The following PPP2R2B variants were observed in gnomAD, a reference collection of about 807,000 sequenced individuals.
PPP2R2B encodes the protein protein phosphatase 2 regulatory subunit Bbeta.
Under a neutral mutation model 46.0 loss-of-function variants are expected in PPP2R2B, and 5 were observed. That is an observed-to-expected ratio of 0.11 (90% confidence interval 0.06 to 0.23). The LOEUF is 0.23. PPP2R2B is among the 10% of genes least tolerant of loss of function. The probability of loss-of-function intolerance (pLI) is 1.00; values close to 1 mark genes in which losing one functional copy is unlikely to be tolerated. For missense variants in PPP2R2B, 367 were observed against 575.0 expected (o/e 0.64, Z 3.70); for synonymous variants, 215 against 206.7 (o/e 1.04, Z -0.34).
At chr5:146,921,846 TATTA>T (rs1474195667) in intron 1 of PPP2R2B, among the ~76,000 whole-genome samples, 3 of 152,224 alleles carry the variant, frequency 2.0e-5, no homozygotes, top group African/African-American at 7.2e-5. Context: ...GTACTACTAC[TATTA>T]ATTATTTAGA....
chr5:146,815,290 G>A (rs796322748), intron 2 of PPP2R2B, among the ~76,000 whole-genome samples: 4 of 152,272 alleles, frequency 2.6e-5, no homozygotes, highest in African/African-American at 9.6e-5. Context: ...AGACCTTCTG[G>A]AGTTAATTAC....
At chr5:146,845,101 A>G (rs575959515) in intron 2 of PPP2R2B, among the ~76,000 whole-genome samples, 1 of 152,196 alleles carries the variant, frequency 6.6e-6, no homozygotes, top group African/African-American at 2.4e-5. Context: ...GACAAGCCTC[A>G]GGGCTCTTGG....
chr5:147,020,365 G>A (rs1484147391), intron 1 of PPP2R2B, among the ~76,000 whole-genome samples: 1 of 151,586 alleles, frequency 6.6e-6, no homozygotes, highest in East Asian at 1.9e-4. Context: ...ACTTTCACTG[G>A]GGTAGGAAAC....
chr5:146,594,757 C>T (rs1297021891), intron 8 of PPP2R2B, among the ~76,000 whole-genome samples: 1 of 152,204 alleles, frequency 6.6e-6, no homozygotes, highest in Admixed American at 6.5e-5. Context: ...CTCCAGCTTG[C>T]TCTGGTGGGT....
intron 2 of PPP2R2B, among the ~76,000 whole-genome samples, chr5:146,718,616 A>C (rs551468689): frequency 3.3e-5 from 5 of 152,164 alleles, no homozygotes; most frequent in Admixed American, 6.5e-5. Context: ...ACGAAAACAC[A>C]TGCATTATAA....
intron 7 of PPP2R2B, among the ~76,000 whole-genome samples, chr5:146,625,124 T>A (rs1773960753): frequency 6.6e-6 from 1 of 152,268 alleles, no homozygotes; most frequent in South Asian, 2.1e-4. Flanking sequence ...CTTCATGGAC[T>A]TCTCTTTCTT....
intron 2 of PPP2R2B, among the ~76,000 whole-genome samples, chr5:146,873,955 T>G (rs1420678448): frequency 1.3e-5 from 2 of 152,230 alleles, no homozygotes; most frequent in Admixed American, 6.5e-5. Flanking sequence ...TTGAATCAGT[T>G]AGGCTATTTT....
In PPP2R2B at chr5:146,723,345, T is replaced by C. The variant is rs115143321; in HGVS notation, c.71-22203A>G. Among the ~76,000 whole-genome samples the C allele has an allele frequency of 2.2e-3, 336 of 152,272 alleles. 1 individual carries two copies. The highest frequency in any genetic ancestry group is 3.5e-3 in the Non-Finnish European group (238 of 68,004). ...AGTCATTCAGCTTTCCTTTAAACTT[T>C]CATAGTGTCATTTTAAGAAATCACT... On this transcript the variant is annotated intron_variant, in intron 2 of 9. Coordinates refer to ENST00000394411, the MANE Select transcript of PPP2R2B (RefSeq NM_181675.4).
intron 2 of PPP2R2B, among the ~76,000 whole-genome samples, chr5:146,859,739 T>C (rs1235450974): frequency 6.6e-6 from 1 of 152,214 alleles, no homozygotes; most frequent in Non-Finnish European, 1.5e-5. Context: ...AACTACCATG[T>C]AAATGAACAG....
chr5:146,811,016 T>G (rs372770392), intron 2 of PPP2R2B, among the ~76,000 whole-genome samples: 1 of 152,078 alleles, frequency 6.6e-6, no homozygotes, highest in Non-Finnish European at 1.5e-5. Flanking sequence ...GAATGATGGT[T>G]TTTAGATGGA....
chr5:146,669,803 T>C (rs1037805033), intron 5 of PPP2R2B, among the ~76,000 whole-genome samples: 6 of 152,124 alleles, frequency 3.9e-5, no homozygotes, highest in Non-Finnish European at 7.4e-5. Context: ...AGTCATGAGG[T>C]CCTCGGGATC....
chr5:146,673,252 G>A (rs1333538196), intron 5 of PPP2R2B, among the ~76,000 whole-genome samples: 1 of 152,192 alleles, frequency 6.6e-6, no homozygotes, highest in African/African-American at 2.4e-5. Context: ...CACAGATGCT[G>A]GCGGGATGAT....
chr5:146,785,309 G>A (rs116006288), intron 2 of PPP2R2B, among the ~76,000 whole-genome samples: 8,256 of 152,258 alleles, frequency 0.054, 214 homozygotes, highest in Non-Finnish European at 0.069. Flanking sequence ...CACTCTAGGA[G>A]GCCGAGGCAG....
intron 1 of PPP2R2B, among the ~76,000 whole-genome samples, chr5:147,019,135 C>A (rs1364327761): frequency 6.6e-6 from 1 of 152,102 alleles, no homozygotes; most frequent in Non-Finnish European, 1.5e-5. Flanking sequence ...AAATGTAGAT[C>A]TTCTGGTACA....
chr5:146,825,824 G>A (rs974499476), intron 2 of PPP2R2B, among the ~76,000 whole-genome samples: 13 of 152,202 alleles, frequency 8.5e-5, no homozygotes, highest in African/African-American at 2.4e-4. Flanking sequence ...TGCTATGAAA[G>A]CAAGCATTTA....
intron 1 of PPP2R2B, among the ~76,000 whole-genome samples, chr5:147,025,639 T>C (rs1033906206): frequency 2.6e-5 from 4 of 152,038 alleles, no homozygotes; most frequent in African/African-American, 4.8e-5. Flanking sequence ...AGATAAACCA[T>C]AGGCCATGAG....
intron 1 of PPP2R2B, among the ~76,000 whole-genome samples, chr5:146,970,853 T>C (rs921505624): frequency 2.7e-5 from 4 of 146,254 alleles, no homozygotes; most frequent in Admixed American, 2.0e-4. Context: ...AAAAGCAATG[T>C]TTTTTTTTTC....
chr5:146,837,424 G>C (rs1759353167), intron 2 of PPP2R2B, among the ~76,000 whole-genome samples: 1 of 152,208 alleles, frequency 6.6e-6, no homozygotes, highest in Non-Finnish European at 1.5e-5. Flanking sequence ...CCTGTGGTAA[G>C]TTGAAGAGCA....
At chr5:146,691,596 T>C (rs1173498317) in intron 4 of PPP2R2B, among the ~76,000 whole-genome samples, 6 of 152,136 alleles carry the variant, frequency 3.9e-5, no homozygotes, top group Non-Finnish European at 8.8e-5. Context: ...CATGAAAAAT[T>C]GGTTTAACAG....
Sources: allele counts gnomAD v4.1 joint callset (sites outside exome capture counted in the v4.1 genomes callset), GRCh38; gene constraint gnomAD v4.1.1; transcripts MANE v1.5; gene names NCBI Gene and HGNC (gene_info 2026-07-23, HGNC 2026-07-21).